Variants in CS observed in about 807,000 individuals in gnomAD.
CS encodes citrate synthase, mitochondrial.
In CS, 13 loss-of-function variants were observed where a neutral mutation model predicts 61.4. The ratio of observed to expected loss-of-function variants is 0.21; its 90% CI spans 0.14 to 0.34. The LOEUF is 0.34. CS is among the 10% of genes least tolerant of loss of function. CS has a pLI of 1.00. For missense variants in CS, 278 were observed against 573.4 expected (o/e 0.48, Z 5.26); for synonymous variants, 159 against 215.2 (o/e 0.74, Z 2.29).
At position 56,273,617 on chromosome 12, in the gene CS, A is replaced by G; in HGVS notation, c.1200T>C (p.Asn400=). 6.2e-7 allele frequency: 1 copy of G among 1,614,070 alleles called. No individual in the cohort carries two copies. The highest frequency in any genetic ancestry group is 8.5e-7 in the Non-Finnish European group (1 of 1,179,946). The change falls in exon 10 of 11, where the codon AAT becomes AAC. Residue 400 remains asparagine, a synonymous_variant. Transcript: ENST00000351328. ...GCAGCACCCCACTGTGAGCATCTAC[A>G]TTGGGCCAAGGATTCTTGGCTTTAC... The part of the protein sequence containing the change: ...EQGKAKNPWP[N]VDAHSGVLLQ...
intron 1 of CS, among the ~76,000 whole-genome samples, chr12:56,290,948 T>G (rs1873102375): frequency 6.6e-6 from 1 of 152,132 alleles, no homozygotes; most frequent in Non-Finnish European, 1.5e-5. Context: ...GCCTCAGACT[T>G]ACTGAATCCA....
At chr12:56,296,884 A>G (rs534625675) in intron 1 of CS, among the ~76,000 whole-genome samples, 1 of 152,320 alleles carries the variant, frequency 6.6e-6, no homozygotes, top group South Asian at 2.1e-4. Flanking sequence ...GTGAGGGCAC[A>G]GAGATATGAG....
intron 6 of CS, among the ~76,000 whole-genome samples, chr12:56,279,842 C>T (rs1872722906): frequency 6.6e-6 from 1 of 151,414 alleles, no homozygotes; most frequent in Non-Finnish European, 1.5e-5. Flanking sequence ...GTGGTGCGCA[C>T]CTGTAGTCCC....
intron 1 of CS, among the ~76,000 whole-genome samples, chr12:56,297,491 T>A (rs563957626): frequency 3.9e-5 from 6 of 152,144 alleles, no homozygotes; most frequent in African/African-American, 1.4e-4. Flanking sequence ...CCTAGTAAGG[T>A]TAAAAAAATT....
intron 1 of CS, chr12:56,298,514 T>C (rs903848862): frequency 4.7e-5 from 21 of 442,246 alleles, no homozygotes; most frequent in Non-Finnish European, 6.3e-5. Flanking sequence ...CTATCTGGTC[T>C]GGGTTAGCAG....
intron 3 of CS, 23 bp from the exon 4 acceptor site, chr12:56,283,880 G>GAA (rs760421792): frequency 2.2e-4 from 312 of 1,387,894 alleles, no homozygotes; most frequent in South Asian, 1.1e-4. Context: ...AAGAAAGAAG[G>GAA]AAAAAAAAAA....
chr12:56,283,092 T>C, intron 4 of CS, 101 bp from the exon 5 acceptor site: 1 of 1,289,622 alleles, frequency 7.8e-7, no homozygotes, highest in South Asian at 1.3e-5. Context: ...AGTAGAACTT[T>C]TTATGTTAAT....
At chr12:56,294,008 T>C (rs945232998) in intron 1 of CS, among the ~76,000 whole-genome samples, 1 of 152,226 alleles carries the variant, frequency 6.6e-6, no homozygotes, top group Non-Finnish European at 1.5e-5. Context: ...AGCCATTTAA[T>C]GTGTGTGTTT....
intron 4 of CS, 71 bp from the exon 5 acceptor site, chr12:56,283,062 C>T (rs557673085): frequency 2.0e-6 from 3 of 1,531,732 alleles, no homozygotes; most frequent in African/African-American, 2.7e-5. Flanking sequence ...TCTTACTCAT[C>T]AGACCTTACA....
intron 1 of CS, among the ~76,000 whole-genome samples, chr12:56,292,856 T>C (rs1565623607): frequency 6.6e-6 from 1 of 150,816 alleles, no homozygotes; most frequent in Non-Finnish European, 1.5e-5. Context: ...GTGAGCCGAG[T>C]TCGCACCACT....
At chr12:56,280,684 G>C (rs1484170090) in intron 6 of CS, among the ~76,000 whole-genome samples, 2 of 151,628 alleles carry the variant, frequency 1.3e-5, no homozygotes, top group African/African-American at 2.4e-5. Flanking sequence ...TTTCACTCCA[G>C]CCTGGGTGAC....
intron 1 of CS, among the ~76,000 whole-genome samples, chr12:56,299,366 A>T (rs1873405898): frequency 6.6e-6 from 1 of 152,232 alleles, no homozygotes; most frequent in Admixed American, 6.5e-5. Flanking sequence ...AAGTTCCTGG[A>T]TAAAGTAGAC....
At chr12:56,290,316 A>G (rs561567381) in intron 1 of CS, among the ~76,000 whole-genome samples, 9 of 152,254 alleles carry the variant, frequency 5.9e-5, no homozygotes, top group Non-Finnish European at 1.3e-4. Context: ...GGTTCACACT[A>G]TTCTCCTGCC....
chr12:56,283,882 A>G, intron 3 of CS, 25 bp from the exon 4 acceptor site: 1 of 1,561,190 alleles, frequency 6.4e-7, no homozygotes, highest in East Asian at 2.2e-5. Context: ...GAAAGAAGGA[A>G]AAAAAAAAGA....
chr12:56,298,021 G>T (rs1187018564), intron 1 of CS, among the ~76,000 whole-genome samples: 1 of 150,360 alleles, frequency 6.7e-6, no homozygotes, highest in East Asian at 2.0e-4. Flanking sequence ...TCTTTGAAAC[G>T]GAGTTTCGCT....
At chr12:56,281,141 T>A (rs976414456) in intron 6 of CS, among the ~76,000 whole-genome samples, 3 of 152,238 alleles carry the variant, frequency 2.0e-5, no homozygotes, top group Non-Finnish European at 4.4e-5. Flanking sequence ...AATCATTTAA[T>A]GTACCTGCTT....
intron 1 of CS, 26 bp from the exon 2 acceptor site, chr12:56,286,671 T>C (rs1269568017): frequency 1.6e-5 from 26 of 1,607,886 alleles, no homozygotes; most frequent in Non-Finnish European, 2.0e-5. Context: ...GAGAACCTTA[T>C]GTAACTGTTA....
At chr12:56,285,582 C>A (rs1376700555) in intron 3 of CS, among the ~76,000 whole-genome samples, 5 of 152,198 alleles carry the variant, frequency 3.3e-5, no homozygotes, top group African/African-American at 1.2e-4. Context: ...GCCATTGCGC[C>A]CTCTGTTTGA....
Position 56,272,146 on chromosome 12 carries a change from G to A in CS, c.*938C>T, listed in dbSNP as rs543842017. ...GTTCAAAAAGAGGTGCTAATACCCC[G>A]GGGACAAGACTCTGAAAATATCATG... On this transcript the variant is annotated 3_prime_UTR_variant, in exon 11 of 11. Transcript: ENST00000351328. The A allele has an allele frequency of 2.7e-5, 8 of 294,088 alleles. No individual in the cohort carries two copies. The highest frequency in any genetic ancestry group is 1.4e-4 in the Admixed American group (3 of 21,388). 18.2% of individuals were successfully genotyped at this position (294,088 alleles called of 1,614,324 possible).
Sources: allele counts gnomAD v4.1 joint callset (sites outside exome capture counted in the v4.1 genomes callset), GRCh38; gene constraint gnomAD v4.1.1; transcripts MANE v1.5; gene names NCBI Gene and HGNC (gene_info 2026-07-23, HGNC 2026-07-21).